The following APAF1 variants were observed in gnomAD, a reference collection of about 807,000 sequenced individuals.
The protein encoded by APAF1 is apoptotic peptidase activating factor 1, also known as apoptotic protease-activating factor 1.
A neutral mutation model predicts 152.4 loss-of-function variants in APAF1; 91 were observed. The ratio of observed to expected loss-of-function variants is 0.60; its 90% CI spans 0.50 to 0.71. The LOEUF (loss-of-function observed/expected upper bound fraction) is 0.71. Among genes scored for constraint, APAF1 ranks in the 30% least tolerant of loss-of-function variants. APAF1 has a pLI of 0.00. For synonymous variants in APAF1, 484 were observed against 494.1 expected (o/e 0.98, Z 0.27); for missense variants, 1,283 against 1,472.0 (o/e 0.87, Z 2.10).
chr12:98,694,023 C>T (rs1389299567), intron 16 of APAF1, among the ~76,000 whole-genome samples: 3 of 152,004 alleles, frequency 2.0e-5, no homozygotes, highest in South Asian at 4.1e-4. Flanking sequence ...AAAAGCAATG[C>T]GGGAGAGGAC....
rs1457540205 is a variant in APAF1, at chr12:98,665,590, ACGTGATTTTCCCAAT to A, written c.996_1010del (p.Asp333_Arg337del). 3 of 1,613,592 alleles carry A rather than the reference ACGTGATTTTCCCAAT, an allele frequency of 1.9e-6. No individual in the cohort carries two copies. Among genetic ancestry groups the A allele is most frequent in the Non-Finnish European group, 2.5e-6 (3 of 1,179,854 alleles). ...TAGTATCTTTAATTGGTGCACTTTT[ACGTGATTTTCCCAAT>A]CGCTGGGAGTACTACCTCAAACAGC... On this transcript the variant is annotated inframe_deletion, in exon 8 of 27. Transcript: ENST00000551964.
intron 16 of APAF1, among the ~76,000 whole-genome samples, chr12:98,687,187 A>T (rs2097698875): frequency 6.6e-6 from 1 of 151,910 alleles, no homozygotes; most frequent in Non-Finnish European, 1.5e-5. Flanking sequence ...AGATGGTGAA[A>T]CCCCGTCTCT....
chr12:98,723,756 A>C lies in APAF1; in HGVS notation c.3322A>C (p.Thr1108Pro). 1 of 1,613,886 alleles carries C rather than the reference A, an allele frequency of 6.2e-7. No homozygotes were observed. The highest frequency in any genetic ancestry group is 8.5e-7 in the Non-Finnish European group (1 of 1,179,892). The change falls in exon 24 of 27, where the codon ACT becomes CCT. Residue 1108 changes from threonine to proline, a missense_variant. By Grantham distance (38) the Thr-to-Pro change is conservative. Transcript: ENST00000551964. ...TKFSSTSADKTAKIWSFDLLL... is the reference protein window; with the variant it reads ...TKFSSTSADKPAKIWSFDLLL... ...GTTTTCATCTACCTCTGCTGACAAGACTGCAAAGGTAGGTCAATCAATTGA... is the reference window on the plus strand; with the variant it reads ...GTTTTCATCTACCTCTGCTGACAAGCCTGCAAAGGTAGGTCAATCAATTGA...
chr12:98,688,639 T>A (rs1232050313), intron 16 of APAF1, among the ~76,000 whole-genome samples: 3 of 27,912 alleles, frequency 1.1e-4, no homozygotes, highest in South Asian at 2.8e-3. Context: ...CCTGGCGAAA[T>A]TTTTTTTTTT....
chr12:98,705,706 T>C (rs1198721525), intron 18 of APAF1, among the ~76,000 whole-genome samples: 1 of 152,220 alleles, frequency 6.6e-6, no homozygotes, highest in Non-Finnish European at 1.5e-5. Flanking sequence ...TAAGCATGAA[T>C]AACAAGAGAA....
chr12:98,700,203 G>T (rs935873593), intron 17 of APAF1, among the ~76,000 whole-genome samples: 1 of 152,112 alleles, frequency 6.6e-6, no homozygotes, highest in South Asian at 2.1e-4. Context: ...AAGAAGCAGC[G>T]GGTTACAGTA....
At chr12:98,661,254 C>A (rs945117404) in intron 5 of APAF1, among the ~76,000 whole-genome samples, 2 of 152,132 alleles carry the variant, frequency 1.3e-5, no homozygotes, top group East Asian at 1.9e-4. Flanking sequence ...AGATCACTAA[C>A]CCTTCCCTCT....
chr12:98,653,393 G>C (rs561590804), intron 4 of APAF1, among the ~76,000 whole-genome samples: 1 of 151,086 alleles, frequency 6.6e-6, no homozygotes, highest in Non-Finnish European at 1.5e-5. Context: ...GTGGTGGCTC[G>C]TGCCTGTAAT....
intron 4 of APAF1, among the ~76,000 whole-genome samples, chr12:98,653,627 A>C (rs2097651681): frequency 7.9e-6 from 1 of 126,594 alleles, no homozygotes; most frequent in Non-Finnish European, 1.6e-5. Flanking sequence ...ACTGCTCTCC[A>C]TCCTGGGTGA....
At chr12:98,731,337 G>A (rs1014503736) in intron 26 of APAF1, among the ~76,000 whole-genome samples, 9 of 152,136 alleles carry the variant, frequency 5.9e-5, no homozygotes, top group East Asian at 1.9e-4. Context: ...CCCACAGTCC[G>A]TAATTAGGGT....
chr12:98,725,567 C>G (rs746891424), intron 25 of APAF1, 27 bp downstream of exon 25: 1 of 1,613,876 alleles, frequency 6.2e-7, no homozygotes, highest in Admixed American at 1.7e-5. Flanking sequence ...CATGAGAGCA[C>G]TGCTCTTCTT....
intron 15 of APAF1, 33 bp from the exon 16 acceptor site, chr12:98,686,715 T>C: frequency 6.2e-7 from 1 of 1,601,036 alleles, no homozygotes; most frequent in Non-Finnish European, 8.5e-7. Flanking sequence ...TCAATACTAG[T>C]TGTTTATTTA....
chr12:98,695,839 C>T (rs2097709284), intron 16 of APAF1, among the ~76,000 whole-genome samples: 1 of 152,078 alleles, frequency 6.6e-6, no homozygotes, highest in Non-Finnish European at 1.5e-5. Flanking sequence ...AAGGACTTAA[C>T]TTCACCTTTA....
At chr12:98,702,355 G>A (rs572697485) in intron 17 of APAF1, among the ~76,000 whole-genome samples, 30 of 152,010 alleles carry the variant, frequency 2.0e-4, no homozygotes, top group South Asian at 8.3e-4. Flanking sequence ...GTGAGCCACC[G>A]TGCCTGGGCT....
At chr12:98,678,172 A>G (rs2097688528) in intron 13 of APAF1, among the ~76,000 whole-genome samples, 1 of 152,232 alleles carries the variant, frequency 6.6e-6, no homozygotes, top group African/African-American at 2.4e-5. Flanking sequence ...TACTAATTTT[A>G]TTAATCTTGG....
chr12:98,677,885 G>A (rs560139199), intron 13 of APAF1, among the ~76,000 whole-genome samples: 3 of 152,316 alleles, frequency 2.0e-5, no homozygotes, highest in African/African-American at 7.2e-5. Context: ...TTAAAAAACA[G>A]TGATTAGGAA....
At chr12:98,657,124 T>C (rs1565858069) in intron 4 of APAF1, among the ~76,000 whole-genome samples, 1 of 152,206 alleles carries the variant, frequency 6.6e-6, no homozygotes, top group Non-Finnish European at 1.5e-5. Flanking sequence ...TTACTAGAAC[T>C]ACAGCACTTT....
intron 21 of APAF1, among the ~76,000 whole-genome samples, chr12:98,714,211 A>T (rs1441519317): frequency 6.6e-6 from 1 of 152,220 alleles, no homozygotes; most frequent in Admixed American, 6.5e-5. Context: ...CTATCTTAAA[A>T]TAAGTCTTTT....
At chr12:98,653,170 A>AT (rs2097651079) in intron 4 of APAF1, among the ~76,000 whole-genome samples, 1 of 152,164 alleles carries the variant, frequency 6.6e-6, no homozygotes. Flanking sequence ...TTTCCCAAAG[A>AT]TAAATTTTAA....
Sources: gnomAD v4.1 joint callset for allele counts (sites outside exome capture counted in the v4.1 genomes callset) on GRCh38, gnomAD v4.1.1 for gene constraint, MANE v1.5 for transcripts, NCBI Gene and HGNC (gene_info 2026-07-23, HGNC 2026-07-21) for gene names.